HMCN2: variants seen among roughly 807,000 people sequenced by gnomAD.
HMCN2 encodes hemicentin 2.
A neutral mutation model predicts 377.5 loss-of-function variants in HMCN2; 325 were observed. The ratio of observed to expected loss-of-function variants is 0.86; its 90% CI spans 0.79 to 0.94. The LOEUF (loss-of-function observed/expected upper bound fraction) is 0.94, where lower values mean the gene tolerates loss of function less well. Among genes scored for constraint, HMCN2 ranks in the 40% least tolerant of loss-of-function variants. The probability of loss-of-function intolerance (pLI) is 0.00; values close to 1 mark genes in which losing one functional copy is unlikely to be tolerated. For missense variants in HMCN2, 4,543 were observed against 4,725.3 expected, an observed-to-expected ratio of 0.96 and a Z score of 1.13; for synonymous variants, 2,007 against 2,046.8, an observed-to-expected ratio of 0.98 and a Z score of 0.53.
intron 23 of HMCN2, among the ~76,000 whole-genome samples, chr9:130,339,732 G>A (rs1180275732): frequency 6.6e-6 from 1 of 152,236 alleles, no homozygotes; most frequent in African/African-American, 2.4e-5. Flanking sequence ...AGATGGGCGG[G>A]GCATCCACGC....
At position 130,431,432 on chromosome 9, in the gene HMCN2, C is replaced by T; in HGVS notation, c.14713C>T (p.Gln4905Ter). Reference protein sequence around the residue: ...HACRNTEGSYQCLCPAGYRLL... With the variant: ...HACRNTEGSY ...CTGCCGCAACACTGAGGGCAGCTAC[C>T]AGTGCCTGTGCCCCGCCGGCTACCG... The change falls in exon 96 of 98, where the codon CAG (glutamine) becomes TAG (stop). Residue 4905 changes from glutamine to a stop codon, truncating the protein, a stop_gained. Coordinates refer to ENST00000683500, the MANE Select transcript of HMCN2 (RefSeq NM_001291815.2). LOFTEE classifies it high-confidence loss of function. The T allele has an allele frequency of 1.3e-6, 2 of 1,550,296 alleles. No individual in the cohort carries two copies. The highest frequency in any genetic ancestry group is 1.2e-5 in the South Asian group (1 of 84,056).
intron 73 of HMCN2, among the ~76,000 whole-genome samples, chr9:130,397,150 C>T (rs1842644882): frequency 6.6e-6 from 1 of 152,202 alleles, no homozygotes; most frequent in South Asian, 2.1e-4. Flanking sequence ...TTCCACATGG[C>T]TGGGGAGGCC....
chr9:130,322,588 C>T (rs1286888058), intron 19 of HMCN2, among the ~76,000 whole-genome samples: 1 of 152,166 alleles, frequency 6.6e-6, no homozygotes. Flanking sequence ...CTGTACTCCC[C>T]CCGCCCAACC....
At position 130,308,144 on chromosome 9, in the gene HMCN2, A is replaced by G. The variant is rs1347127355; in HGVS notation, c.2200+578A>G. On this transcript the variant is annotated intron_variant, in intron 14 of 97. Coordinates refer to ENST00000683500, the MANE Select transcript of HMCN2 (RefSeq NM_001291815.2). The surrounding 1 kb of genome is among the most constrained non-coding windows in gnomAD (Gnocchi z 4.1). The stretch of plus-strand genomic sequence containing the variant: ...GCTCATTTTTGTATTTTTAGTAGAG[A>G]TGGGGTTTTACCATGTTGGACAGGC... Among the ~76,000 whole-genome samples the G allele has an allele frequency of 7.2e-5, 11 of 151,820 alleles. No individual in the cohort carries two copies. The highest frequency in any genetic ancestry group is 2.2e-4 in the African/African-American group (9 of 41,300).
At chr9:130,335,633 A>G (rs1316167536) in intron 22 of HMCN2, among the ~76,000 whole-genome samples, 1 of 152,008 alleles carries the variant, frequency 6.6e-6, no homozygotes, top group African/African-American at 2.4e-5. Flanking sequence ...TTATCCATAT[A>G]CTATGTCCTG....
At position 130,358,007 on chromosome 9, in the gene HMCN2, G is replaced by C. The variant is rs1458273669; in HGVS notation, c.5580+19G>C. On this transcript the variant is annotated intron_variant, in intron 35 of 97. Transcript: ENST00000683500. The stretch of plus-strand genomic sequence containing the variant: ...CCTACAGGTATGTGCAGGGGCCCCA[G>C]GGCTGGCAAGCCAGCTGGGCACAGG... 7.7e-7 allele frequency: 1 copy of C among 1,296,356 alleles called. No homozygotes were observed. The highest frequency in any genetic ancestry group is 5.6e-5 in the East Asian group (1 of 17,820). The allele number at this position is 1,296,356 out of a possible 1,614,324, so 80.3% of individuals were successfully genotyped here.
chr9:130,429,482 G>A, intron 93 of HMCN2, 75 bp from the exon 94 acceptor site: 1 of 1,526,822 alleles, frequency 6.5e-7, no homozygotes, highest in East Asian at 2.5e-5. Context: ...CAGATATGGA[G>A]GGGGATGGTC....
chr9:130,354,573 C>T (rs1403725095), intron 31 of HMCN2, among the ~76,000 whole-genome samples, 190 bp from the exon 32 acceptor site: 7 of 152,248 alleles, frequency 4.6e-5, no homozygotes, highest in South Asian at 2.1e-4. Context: ...GGGTGGCGCG[C>T]CCAGGGGCTG....
intron 4 of HMCN2, among the ~76,000 whole-genome samples, chr9:130,289,169 C>T (rs1437865880): frequency 6.6e-6 from 1 of 152,190 alleles, no homozygotes; most frequent in African/African-American, 2.4e-5. Context: ...GGGCATCTTG[C>T]TCTCCTCTGC....
Position 130,356,120 on chromosome 9 carries a change from T to C in HMCN2, c.5288T>C (p.Leu1763Pro), listed in dbSNP as rs892395529. The change falls in exon 34 of 98, where the codon CTG (leucine) becomes CCG (proline). Residue 1763 changes from leucine (L) to proline (P), a missense_variant. Physicochemically the swap from Leu to Pro is moderately conservative, Grantham distance 98. Coordinates refer to ENST00000683500, the MANE Select transcript of HMCN2 (RefSeq NM_001291815.2). Reference sequence around the variant, plus strand: ...CAGAATGGCCGCCCAGCCGAGGAGCTGGCTGGGGTGCAGGTGGCCTCGCAG... The same window carrying C: ...CAGAATGGCCGCCCAGCCGAGGAGCCGGCTGGGGTGCAGGTGGCCTCGCAG... ...WLQNGRPAEELAGVQVASQGT... is the reference protein window; with the variant it reads ...WLQNGRPAEEPAGVQVASQGT... 7.7e-7 allele frequency: 1 copy of C among 1,298,958 alleles called. No individual in the cohort carries two copies. Among genetic ancestry groups the C allele is most frequent in the Admixed American group, 2.3e-5 (1 of 43,244 alleles). The allele number at this position is 1,298,958 out of a possible 1,614,324, so 80.5% of individuals were successfully genotyped here.
Position 130,391,190 on chromosome 9 carries a change from C to T in HMCN2, c.9668-14C>T. 1.0e-6 allele frequency: 1 copy of T among 988,044 alleles called. No individual in the cohort carries two copies. 61.2% of individuals were successfully genotyped at this position (988,044 alleles called of 1,614,324 possible). A position where few individuals can be genotyped will look rare whatever the true frequency, so the allele number is the denominator to read the frequency against. On this transcript the variant is annotated splice_polypyrimidine_tract_variant and intron_variant, in intron 63 of 97. Transcript: ENST00000683500. The stretch of plus-strand genomic sequence containing the variant: ...CCTGCCATCACCCAGGGCCTCACTG[C>T]ACCCCTGCCTCAGTGGCCCCCCGGA...
chr9:130,430,147 G>A, intron 94 of HMCN2, 137 bp from the exon 95 acceptor site: 1 of 729,922 alleles, frequency 1.4e-6, no homozygotes, highest in Non-Finnish European at 2.2e-6. Flanking sequence ...GGGGGATGCA[G>A]CGTGGCTCAC....
intron 84 of HMCN2, among the ~76,000 whole-genome samples, chr9:130,409,657 A>T (rs1564868117): frequency 6.6e-6 from 1 of 152,230 alleles, no homozygotes. Flanking sequence ...CTTAGCAAGC[A>T]TTATTCCATG....
chr9:130,386,572 A>C lies in HMCN2; in HGVS notation c.9391+48A>C, dbSNP rs780422800. The C allele has an allele frequency of 1.7e-3, 2,129 of 1,220,320 alleles. 1 individual carries two copies. Among genetic ancestry groups the C allele is most frequent in the Non-Finnish European group, 2.1e-3 (1,936 of 920,766 alleles). The allele number at this position is 1,220,320 out of a possible 1,614,324, so 75.6% of individuals were successfully genotyped here. ...CAACGTGACTGTGGAGCCCCTAGCA[A>C]CACCCAGGGCTGCCAAGGAGGACAA... is the stretch of plus-strand genomic sequence containing the variant. On this transcript the variant is annotated intron_variant, in intron 61 of 97. Coordinates refer to ENST00000683500, the MANE Select transcript of HMCN2 (RefSeq NM_001291815.2).
In HMCN2 at chr9:130,394,153, T is replaced by C. The variant is rs2131686011; in HGVS notation, c.10501+145T>C. 3.6e-6 allele frequency: 3 copies of C among 825,068 alleles called. No individual in the cohort carries two copies. The South Asian group carries it at 5.3e-5, about 14-fold the overall frequency. The allele number at this position is 825,068 out of a possible 1,614,324, so 51.1% of individuals were successfully genotyped here. ...GAGCAGAACTCAGGGAACTTGGTTC[T>C]GGCTGGGATGCCTCTCTCACCTTCC... On this transcript the variant is annotated intron_variant, in intron 68 of 97. Coordinates refer to ENST00000683500, the MANE Select transcript of HMCN2 (RefSeq NM_001291815.2). The surrounding 1 kb of genome is among the most constrained non-coding windows in gnomAD (Gnocchi z 5.1).
At chr9:130,420,614 G>C (rs1843953051) in intron 86 of HMCN2, among the ~76,000 whole-genome samples, 1 of 151,978 alleles carries the variant, frequency 6.6e-6, no homozygotes, top group Admixed American at 6.6e-5. Context: ...GGGAGGATCT[G>C]GTCTGGGTCT....
At chr9:130,402,035 C>T (rs550782568) in intron 77 of HMCN2, among the ~76,000 whole-genome samples, 144 of 152,256 alleles carry the variant, frequency 9.5e-4, no homozygotes, top group African/African-American at 3.4e-3. Flanking sequence ...TATGATTGCA[C>T]CACTGTACTC....
At chr9:130,269,264 TCC>T (rs1373489528) in intron 1 of HMCN2, among the ~76,000 whole-genome samples, 10 of 91,942 alleles carry the variant, frequency 1.1e-4, no homozygotes, top group African/African-American at 4.1e-4. Context: ...GAGCCCTGGT[TCC>T]TTTTTTTTTT....
At chr9:130,293,279 G>GTTTTTTTTTTTTTTTTTTT (rs71387339) in intron 4 of HMCN2, among the ~76,000 whole-genome samples, 830 of 57,096 alleles carry the variant, frequency 0.015, 130 homozygotes, top group African/African-American at 0.032. Flanking sequence ...ACTCACTAAA[G>GTTTTTTTTTTTTTTTTTTT]TTTTTTTTTT....
Sources: gnomAD v4.1 joint callset for allele counts (sites outside exome capture counted in the v4.1 genomes callset) on GRCh38, gnomAD v4.1.1 for gene constraint, Gnocchi (gnomAD v3.1) non-coding constraint, MANE v1.5 for transcripts, NCBI Gene and HGNC (gene_info 2026-07-23, HGNC 2026-07-21) for gene names.